DOCK1: variants seen among roughly 807,000 people sequenced by gnomAD.
DOCK1 encodes the protein dedicator of cytokinesis 1.
DOCK1 carries 138 observed loss-of-function variants against 262.7 expected under a neutral mutation model. The ratio of observed to expected loss-of-function variants is 0.53; its 90% CI spans 0.46 to 0.61. The LOEUF (loss-of-function observed/expected upper bound fraction) is 0.61, where lower values mean the gene tolerates loss of function less well. DOCK1 is among the 20% of genes least tolerant of loss of function. DOCK1 has a pLI of 0.00. For synonymous variants in DOCK1, 866 were observed against 867.4 expected (o/e 1.00, Z 0.03); for missense variants, 1,908 against 2,370.7 (o/e 0.80, Z 4.05).
At chr10:127,408,977 A>G in intron 40 of DOCK1, 60 bp from the exon 41 acceptor site, 1 of 1,520,342 alleles carries the variant, frequency 6.6e-7, no homozygotes, top group Non-Finnish European at 8.8e-7. Flanking sequence ...AGCATATTGC[A>G]TGTGAACTCT....
intron 29 of DOCK1, among the ~76,000 whole-genome samples, chr10:127,309,198 CTT>C (rs142689552): frequency 0.18 from 26,525 of 149,890 alleles, 2,926 homozygotes; most frequent in East Asian, 0.35. Context: ...TGATGTTGAG[CTT>C]TTTTTTTTCA....
chr10:127,433,431 G>C lies in DOCK1; in HGVS notation c.5060+3G>C. 1 of 1,613,868 alleles carries C rather than the reference G, an allele frequency of 6.2e-7. No homozygotes were observed. Among genetic ancestry groups the C allele is most frequent in the Non-Finnish European group, 8.5e-7 (1 of 1,179,860 alleles). On this transcript the variant is annotated splice_donor_region_variant and intron_variant, in intron 48 of 51. Coordinates refer to ENST00000623213, the MANE Select transcript of DOCK1 (RefSeq NM_001290223.2). ...CCTTCCAGACCAGGCTCCGACGGGT[G>C]AGTCAAGCTCACAGCAGGGCTGAGC... is the stretch of plus-strand genomic sequence containing the variant.
intron 8 of DOCK1, 155 bp downstream of exon 8, chr10:126,998,404 T>C: frequency 6.1e-6 from 6 of 985,014 alleles, no homozygotes; most frequent in Non-Finnish European, 8.9e-6. Flanking sequence ...TCTTAGACAG[T>C]GTGATGGCAG....
At chr10:127,211,772 C>G (rs998005125) in intron 27 of DOCK1, among the ~76,000 whole-genome samples, 1 of 152,134 alleles carries the variant, frequency 6.6e-6, no homozygotes. Context: ...CCAGGCCACC[C>G]CCAGGATGGG....
intron 29 of DOCK1, among the ~76,000 whole-genome samples, chr10:127,280,497 A>G (rs1426261575): frequency 6.6e-6 from 1 of 152,156 alleles, no homozygotes; most frequent in African/African-American, 2.4e-5. Flanking sequence ...GAGAGCTCTC[A>G]GGCACTTGCA....
intron 21 of DOCK1, among the ~76,000 whole-genome samples, chr10:127,049,840 A>G (rs1156800711): frequency 6.6e-6 from 1 of 152,148 alleles, no homozygotes; most frequent in Middle Eastern, 3.2e-3. Context: ...CCAAGATAGC[A>G]TGGTATTGGC....
chr10:127,123,816 G>C (rs11819241), intron 25 of DOCK1, among the ~76,000 whole-genome samples: 22,117 of 152,142 alleles, frequency 0.15, 1,825 homozygotes, highest in African/African-American at 0.22. Context: ...TGGGATTCCA[G>C]ACACCACAGC....
intron 13 of DOCK1, among the ~76,000 whole-genome samples, chr10:127,022,413 T>G (rs560523396): frequency 1.3e-5 from 2 of 152,296 alleles, no homozygotes; most frequent in African/African-American, 4.8e-5. Flanking sequence ...ATGTGCCATG[T>G]TGGCGTGCTG....
At chr10:127,213,477 T>C (rs1277117056) in intron 27 of DOCK1, among the ~76,000 whole-genome samples, 1 of 152,210 alleles carries the variant, frequency 6.6e-6, no homozygotes, top group Admixed American at 6.5e-5. Flanking sequence ...TTTTTCAAAA[T>C]GTTTGATTGG....
intron 25 of DOCK1, among the ~76,000 whole-genome samples, chr10:127,118,867 A>C (rs1246860798): frequency 6.6e-6 from 1 of 152,204 alleles, no homozygotes; most frequent in Non-Finnish European, 1.5e-5. Flanking sequence ...GTGACCTACC[A>C]AGGGTAACTT....
chr10:127,139,166 A>AT (rs2050987001), intron 27 of DOCK1, among the ~76,000 whole-genome samples: 1 of 152,216 alleles, frequency 6.6e-6, no homozygotes, highest in South Asian at 2.1e-4. Context: ...AGCTCATAAC[A>AT]TTTTATAACC....
chr10:127,251,180 T>C (rs1380572591), intron 28 of DOCK1, among the ~76,000 whole-genome samples: 1 of 152,016 alleles, frequency 6.6e-6, no homozygotes, highest in African/African-American at 2.4e-5. Flanking sequence ...TTGGTCAGGC[T>C]GGTCTCCAAC....
At chr10:127,180,395 G>A (rs2055610352) in intron 27 of DOCK1, among the ~76,000 whole-genome samples, 1 of 152,158 alleles carries the variant, frequency 6.6e-6, no homozygotes, top group South Asian at 2.1e-4. Context: ...AGCAGCAGGA[G>A]TTCATAAAGT....
At chr10:126,952,307 A>G (rs894911121) in intron 1 of DOCK1, among the ~76,000 whole-genome samples, 99,751 of 151,718 alleles carry the variant, frequency 0.66, 33,382 homozygotes, top group African/African-American at 0.72. Flanking sequence ...TGGTGGTGGC[A>G]GTAGTATTGT....
intron 51 of DOCK1, among the ~76,000 whole-genome samples, chr10:127,448,998 C>T (rs1482789280): frequency 6.6e-6 from 1 of 152,046 alleles, no homozygotes; most frequent in African/African-American, 2.4e-5. Context: ...ACTAAACAAG[C>T]AGTCATCTTT....
At chr10:127,093,518 A>C (rs976557428) in intron 23 of DOCK1, among the ~76,000 whole-genome samples, 12 of 151,328 alleles carry the variant, frequency 7.9e-5, no homozygotes, top group African/African-American at 2.9e-4. Context: ...GCGCCCACCT[A>C]ATATTTTGTA....
chr10:127,297,300 C>A (rs1461588136), intron 29 of DOCK1, among the ~76,000 whole-genome samples: 2 of 152,092 alleles, frequency 1.3e-5, no homozygotes, highest in Non-Finnish European at 2.9e-5. Context: ...TGTGGAGGGA[C>A]GAATCCATAG....
At chr10:127,445,778 A>G (rs2070500618) in intron 50 of DOCK1, among the ~76,000 whole-genome samples, 1 of 152,242 alleles carries the variant, frequency 6.6e-6, no homozygotes, top group Non-Finnish European at 1.5e-5. Flanking sequence ...TGGCCAGATT[A>G]ACAAAATGTA....
At chr10:127,391,997 G>A (rs983086878) in intron 38 of DOCK1, among the ~76,000 whole-genome samples, 13 of 151,832 alleles carry the variant, frequency 8.6e-5, no homozygotes, top group Non-Finnish European at 1.6e-4. Context: ...AGTAGGAATC[G>A]AGCCTCCAGA....
Sources: allele counts gnomAD v4.1 joint callset (sites outside exome capture counted in the v4.1 genomes callset), GRCh38; gene constraint gnomAD v4.1.1; transcripts MANE v1.5; gene names NCBI Gene and HGNC (gene_info 2026-07-23, HGNC 2026-07-21).